The following RGS6 variants were observed in gnomAD, a reference collection of about 807,000 sequenced individuals.
RGS6 encodes regulator of G-protein signaling 6.
Under a neutral mutation model 78.5 loss-of-function variants are expected in RGS6, and 30 were observed. That is an observed-to-expected ratio of 0.38 (90% confidence interval 0.29 to 0.52). The LOEUF (loss-of-function observed/expected upper bound fraction) is 0.52, where lower values mean the gene tolerates loss of function less well. Among genes scored for constraint, RGS6 ranks in the 20% least tolerant of loss-of-function variants. The pLI, the probability that RGS6 is intolerant of heterozygous loss-of-function variation, is 0.85. For missense variants in RGS6, 495 were observed against 609.7 expected (o/e 0.81, Z 1.98); for synonymous variants, 206 against 206.0 (o/e 1.00, Z 0.00).
rs58303649 is a variant in RGS6 at position 72,323,800 on chromosome 14, C to CAAAAAA, written c.85-28259_85-28254dup. Among the ~76,000 whole-genome samples, 49 of 16,820 alleles carry CAAAAAA rather than the reference C, an allele frequency of 2.9e-3. 10 individuals carry two copies. Among genetic ancestry groups the CAAAAAA allele is most frequent in the Non-Finnish European group, 4.1e-3 (39 of 9,414 alleles). 11.0% of individuals were successfully genotyped at this position (16,820 alleles called of 152,430 possible). A position where few individuals can be genotyped will look rare whatever the true frequency, so the allele number is the denominator to read the frequency against. On this transcript the variant is annotated intron_variant, in intron 2 of 17. Coordinates refer to ENST00000553525, the MANE Select transcript of RGS6 (RefSeq NM_001204424.2). ...TGGGTGACAGAGTGAGACTCCATCTCAAAAAAAAAAAAAAAAAAAAAAAAA... is the reference window on the plus strand; with the variant it reads ...TGGGTGACAGAGTGAGACTCCATCTCAAAAAAAAAAAAAAAAAAAAAAAAAAAAAAA...
intron 2 of RGS6, among the ~76,000 whole-genome samples, chr14:71,990,336 A>T (rs1187836287): frequency 6.6e-6 from 1 of 152,162 alleles, no homozygotes; most frequent in Non-Finnish European, 1.5e-5. Flanking sequence ...CCAAAAGCAG[A>T]TCCCCATTCG....
chr14:72,572,216 G>A, the RGS6 span, among the ~76,000 whole-genome samples: 16 of 152,134 alleles, frequency 1.1e-4, no homozygotes, highest in African/African-American at 2.2e-4. Flanking sequence ...TGCTGCAGCC[G>A]CTTTGGAAAA....
At chr14:72,039,155 C>G (rs1326082388) in intron 2 of RGS6, among the ~76,000 whole-genome samples, 1 of 152,140 alleles carries the variant, frequency 6.6e-6, no homozygotes, top group Non-Finnish European at 1.5e-5. Flanking sequence ...ATCTCATACT[C>G]AGTGAATCTA....
At chr14:72,056,294 C>T (rs2093616569) in intron 2 of RGS6, among the ~76,000 whole-genome samples, 1 of 152,184 alleles carries the variant, frequency 6.6e-6, no homozygotes, top group African/African-American at 2.4e-5. Flanking sequence ...CATAGTATGC[C>T]TCCAACAAGG....
intron 2 of RGS6, among the ~76,000 whole-genome samples, chr14:72,301,896 A>G (rs528607709): frequency 1.3e-5 from 2 of 152,304 alleles, no homozygotes; most frequent in African/African-American, 4.8e-5. Context: ...CAGAAGCCCT[A>G]CTTCAAATAA....
intron 2 of RGS6, among the ~76,000 whole-genome samples, chr14:71,992,971 G>A (rs1018414864): frequency 6.6e-6 from 1 of 152,144 alleles, no homozygotes; most frequent in East Asian, 1.9e-4. Context: ...CTATTAATTT[G>A]TTGGAGCCTT....
intron 13 of RGS6, among the ~76,000 whole-genome samples, chr14:72,507,905 G>T (rs2096829015): frequency 1.3e-5 from 2 of 152,214 alleles, no homozygotes; most frequent in Non-Finnish European, 2.9e-5. Flanking sequence ...ACAATGTCCT[G>T]CAGTCTCTGG....
At chr14:72,248,033 T>G (rs1281548579) in intron 2 of RGS6, among the ~76,000 whole-genome samples, 2 of 152,234 alleles carry the variant, frequency 1.3e-5, no homozygotes, top group Non-Finnish European at 2.9e-5. Context: ...AAGCATTCTC[T>G]CAGTTGTGTC....
At chr14:72,073,027 T>C (rs2094459518) in intron 2 of RGS6, among the ~76,000 whole-genome samples, 1 of 152,226 alleles carries the variant, frequency 6.6e-6, no homozygotes, top group Non-Finnish European at 1.5e-5. Flanking sequence ...TGAAGATTAC[T>C]CGATAGTCAT....
intron 2 of RGS6, among the ~76,000 whole-genome samples, chr14:72,013,420 T>C (rs1379874062): frequency 2.6e-5 from 4 of 152,068 alleles, no homozygotes; most frequent in African/African-American, 7.2e-5. Context: ...TCTCAACATA[T>C]GGTAGTTTAT....
intron 2 of RGS6, among the ~76,000 whole-genome samples, chr14:72,249,485 A>T (rs935259949): frequency 6.6e-6 from 1 of 152,194 alleles, no homozygotes; most frequent in Non-Finnish European, 1.5e-5. Flanking sequence ...AACCAGTTCA[A>T]AATAATCCCA....
chr14:72,452,233 T>TCTCTCA (rs1305597041), intron 3 of RGS6, among the ~76,000 whole-genome samples: 1 of 151,640 alleles, frequency 6.6e-6, no homozygotes, highest in Admixed American at 6.6e-5. Flanking sequence ...ATTCTCTCTC[T>TCTCTCA]CTCTCTCTCT....
chr14:71,964,068 G>T (rs1346078334), intron 1 of RGS6, among the ~76,000 whole-genome samples: 1 of 151,742 alleles, frequency 6.6e-6, no homozygotes, highest in East Asian at 1.9e-4. Context: ...TAATGGGTAT[G>T]AAGTGGTATC....
At chr14:72,274,835 C>T (rs1416114934) in intron 2 of RGS6, among the ~76,000 whole-genome samples, 1 of 152,184 alleles carries the variant, frequency 6.6e-6, no homozygotes, top group East Asian at 1.9e-4. Context: ...GACTTCTGAC[C>T]TCCAAAAGTA....
intron 2 of RGS6, among the ~76,000 whole-genome samples, chr14:72,065,614 C>T (rs954607344): frequency 4.6e-5 from 7 of 152,106 alleles, no homozygotes; most frequent in Non-Finnish European, 7.3e-5. Flanking sequence ...ATAACAGATC[C>T]TCAAACGTCA....
intron 2 of RGS6, among the ~76,000 whole-genome samples, chr14:72,131,546 A>T (rs958457979): frequency 6.6e-6 from 1 of 152,144 alleles, no homozygotes; most frequent in Non-Finnish European, 1.5e-5. Context: ...TCCCTGTCTC[A>T]CCTCAGGTAA....
chr14:72,556,186 A>AATT (rs1398094139), intron 17 of RGS6, among the ~76,000 whole-genome samples: 1 of 152,244 alleles, frequency 6.6e-6, no homozygotes, highest in East Asian at 1.9e-4. Context: ...GAGACTGGGT[A>AATT]ATTTCTAATG....
At chr14:72,224,027 T>C (rs1471003766) in intron 2 of RGS6, among the ~76,000 whole-genome samples, 1 of 152,206 alleles carries the variant, frequency 6.6e-6, no homozygotes, top group African/African-American at 2.4e-5. Context: ...AGTAAAGTAT[T>C]GAGAAACCAT....
At chr14:72,376,590 A>C (rs1178874217) in intron 3 of RGS6, among the ~76,000 whole-genome samples, 1 of 152,230 alleles carries the variant, frequency 6.6e-6, no homozygotes, top group Non-Finnish European at 1.5e-5. Context: ...GAAAAGCTTC[A>C]AGTCACATAT....
Sources: gnomAD v4.1 joint callset for allele counts (sites outside exome capture counted in the v4.1 genomes callset) on GRCh38, gnomAD v4.1.1 for gene constraint, MANE v1.5 for transcripts, NCBI Gene and HGNC (gene_info 2026-07-23, HGNC 2026-07-21) for gene names.